ZDHHC21: variants seen among roughly 807,000 people sequenced by gnomAD.
ZDHHC21 encodes the protein palmitoyltransferase ZDHHC21.
ZDHHC21 carries 15 observed loss-of-function variants against 34.6 expected under a neutral mutation model. The observed-to-expected ratio is 0.43, with a 90% CI of 0.29 to 0.67. The LOEUF is 0.67. ZDHHC21 is among the 30% of genes least tolerant of loss of function. The pLI, the probability that ZDHHC21 is intolerant of heterozygous loss-of-function variation, is 0.14. For missense variants in ZDHHC21, 344 were observed against 327.7 expected (o/e 1.05, Z -0.38); for synonymous variants, 142 against 101.8 (o/e 1.40, Z -2.38).
the ZDHHC21 span, among the ~76,000 whole-genome samples, chr9:14,605,582 TG>T: frequency 6.6e-6 from 1 of 152,212 alleles, no homozygotes; most frequent in Non-Finnish European, 1.5e-5. Flanking sequence ...TTTTGTATTT[TG>T]ATTAACCTCT....
the ZDHHC21 span, among the ~76,000 whole-genome samples, chr9:14,601,021 C>CA: frequency 1.3e-5 from 2 of 152,042 alleles, no homozygotes; most frequent in Non-Finnish European, 2.9e-5. Flanking sequence ...TAAAGACTTA[C>CA]TGTAAGACCT....
chr9:14,639,086 G>C (rs1828830516), intron 8 of ZDHHC21, among the ~76,000 whole-genome samples: 1 of 151,998 alleles, frequency 6.6e-6, no homozygotes, highest in East Asian at 1.9e-4. Context: ...ATTCACAAGA[G>C]CAAGGATAGG....
At chr9:14,674,060 G>T (rs565683071) in intron 4 of ZDHHC21, 127 bp downstream of exon 4, 1 of 514,956 alleles carries the variant, frequency 1.9e-6, no homozygotes, top group Non-Finnish European at 3.2e-6. Flanking sequence ...GTAAATAACT[G>T]AATATTGACA....
chr9:14,679,864 T>C (rs1837069972), intron 3 of ZDHHC21, among the ~76,000 whole-genome samples, 169 bp downstream of exon 3: 1 of 152,118 alleles, frequency 6.6e-6, no homozygotes, highest in Admixed American at 6.5e-5. Flanking sequence ...GAAAAAGTCT[T>C]ATTTAAGAAA....
intron 3 of ZDHHC21, among the ~76,000 whole-genome samples, chr9:14,677,943 A>C (rs1221533364): frequency 6.6e-6 from 1 of 152,112 alleles, no homozygotes; most frequent in Non-Finnish European, 1.5e-5. Flanking sequence ...ATTAGCCAAA[A>C]TAATTACCAA....
intron 5 of ZDHHC21, among the ~76,000 whole-genome samples, chr9:14,665,549 G>C (rs1032714901): frequency 6.6e-6 from 1 of 151,740 alleles, no homozygotes; most frequent in Non-Finnish European, 1.5e-5. Flanking sequence ...ATAATTGTCA[G>C]ATTCACCAAA....
intron 7 of ZDHHC21, among the ~76,000 whole-genome samples, chr9:14,655,508 T>C (rs1308040119): frequency 6.6e-6 from 1 of 151,990 alleles, no homozygotes; most frequent in East Asian, 1.9e-4. Context: ...CTTGTTATCA[T>C]GTGATTTTTT....
chr9:14,603,446 G>T, the ZDHHC21 span, among the ~76,000 whole-genome samples: 5 of 152,034 alleles, frequency 3.3e-5, no homozygotes, highest in African/African-American at 7.2e-5. Context: ...GGACACAAAT[G>T]ACACTGCAAA....
At chr9:14,674,421 T>A in intron 3 of ZDHHC21, 36 bp from the exon 4 acceptor site, 1 of 1,399,264 alleles carries the variant, frequency 7.1e-7, no homozygotes, top group Non-Finnish European at 9.6e-7. Flanking sequence ...ATTACTTACA[T>A]AGAAAAATTT....
At chr9:14,597,394 G>C in the ZDHHC21 span, among the ~76,000 whole-genome samples, 8 of 152,180 alleles carry the variant, frequency 5.3e-5, no homozygotes, top group South Asian at 2.1e-4. Flanking sequence ...CCAGGGAATG[G>C]ACAGTGCAGT....
chr9:14,680,387 T>G (rs779133090), intron 2 of ZDHHC21, among the ~76,000 whole-genome samples: 1 of 151,526 alleles, frequency 6.6e-6, no homozygotes, highest in Non-Finnish European at 1.5e-5. Flanking sequence ...CCACTTCCCA[T>G]AAAATCAAAT....
chr9:14,668,504 T>G (rs1587337878), intron 5 of ZDHHC21, among the ~76,000 whole-genome samples: 1 of 119,740 alleles, frequency 8.4e-6, no homozygotes, highest in East Asian at 2.5e-4. Flanking sequence ...AGAACTACTT[T>G]AAAGTTCATA....
At chr9:14,658,533 C>G (rs1265547720) in intron 7 of ZDHHC21, among the ~76,000 whole-genome samples, 6 of 113,386 alleles carry the variant, frequency 5.3e-5, no homozygotes, top group Non-Finnish European at 8.2e-5. Context: ...TGCAGTGGCG[C>G]AATCTCGGCT....
chr9:14,663,523 T>C (rs1167429334), intron 5 of ZDHHC21, among the ~76,000 whole-genome samples: 2 of 151,694 alleles, frequency 1.3e-5, no homozygotes, highest in African/African-American at 4.8e-5. Flanking sequence ...ATATTGATAT[T>C]TTTATTTCTT....
rs184275870 is a variant in ZDHHC21 at position 14,633,066 on chromosome 9, C to A, written c.621+6830G>T. On this transcript the variant is annotated intron_variant, in intron 8 of 9. Coordinates refer to ENST00000380916, the MANE Select transcript of ZDHHC21 (RefSeq NM_178566.6). ...TCAGCAATTCCACTTCTATATACCCCAAAGAAATGAAAATGTACGTCCACA... is the reference window on the plus strand; with the variant it reads ...TCAGCAATTCCACTTCTATATACCCAAAAGAAATGAAAATGTACGTCCACA... Among the ~76,000 whole-genome samples, 714 of 152,198 alleles carry A rather than the reference C, an allele frequency of 4.7e-3. 7 individuals are homozygous for A. Among genetic ancestry groups the A allele is most frequent in the African/African-American group, 0.017 (694 of 41,520 alleles).
chr9:14,663,989 G>A (rs1833885846), intron 5 of ZDHHC21, among the ~76,000 whole-genome samples: 1 of 152,050 alleles, frequency 6.6e-6, no homozygotes, highest in Non-Finnish European at 1.5e-5. Flanking sequence ...TTAAAACTTT[G>A]AATTCGGGGG....
chr9:14,690,451 T>C lies in ZDHHC21; in HGVS notation c.-224-66A>G, dbSNP rs28420907. The C allele has an allele frequency of 2.0e-3, 823 of 418,706 alleles. 9 individuals are homozygous for C. Among genetic ancestry groups the C allele is most frequent in the African/African-American group, 0.016 (753 of 47,660 alleles). The allele number at this position is 418,706 out of a possible 1,614,324, so 25.9% of individuals were successfully genotyped here. A position where few individuals can be genotyped will look rare whatever the true frequency, so the allele number is the denominator to read the frequency against. ...TGACATCACACTTGAGCATTTTAGG[T>C]TAGATTTAAAATAAAATTCACCAGT... On this transcript the variant is annotated intron_variant, in intron 1 of 9. Coordinates refer to ENST00000380916, the MANE Select transcript of ZDHHC21 (RefSeq NM_178566.6).
At chr9:14,682,477 CAAG>C (rs1837558943) in intron 2 of ZDHHC21, among the ~76,000 whole-genome samples, 1 of 152,192 alleles carries the variant, frequency 6.6e-6, no homozygotes, top group South Asian at 2.1e-4. Context: ...ATCAACTCAA[CAAG>C]AAGAGCTAAC....
chr9:14,594,625 C>A, the ZDHHC21 span, among the ~76,000 whole-genome samples: 2 of 152,252 alleles, frequency 1.3e-5, no homozygotes, highest in Admixed American at 1.3e-4. Flanking sequence ...TAAAAACCTG[C>A]ATGACCTTGG....
Sources: gnomAD v4.1 joint callset for allele counts (sites outside exome capture counted in the v4.1 genomes callset) on GRCh38, gnomAD v4.1.1 for gene constraint, MANE v1.5 for transcripts, NCBI Gene and HGNC (gene_info 2026-07-23, HGNC 2026-07-21) for gene names.